MRC1: variants seen among roughly 807,000 people sequenced by gnomAD.
MRC1 encodes the protein macrophage mannose receptor 1.
In MRC1, 62 loss-of-function variants were observed where a neutral mutation model predicts 102.9. That is an observed-to-expected ratio of 0.60 (90% CI 0.49 to 0.74). The LOEUF (loss-of-function observed/expected upper bound fraction) is 0.74. Among genes scored for constraint, MRC1 ranks in the 30% least tolerant of loss-of-function variants. The pLI, the probability that MRC1 is intolerant of heterozygous loss-of-function variation, is 0.00. For missense variants in MRC1, 1,237 were observed against 862.8 expected (o/e 1.43, Z -5.43); for synonymous variants, 457 against 298.4 (o/e 1.53, Z -5.48).
Position 17,856,287 on chromosome 10 carries a change from A to C in MRC1, c.1453A>C (p.Ile485Leu), listed in dbSNP as rs1160614744. 2.3e-6 allele frequency: 2 copies of C among 867,352 alleles called. No individual in the cohort carries two copies. The highest frequency in any genetic ancestry group is 3.4e-5 in the Admixed American group (2 of 58,470). The allele number at this position is 867,352 out of a possible 1,614,324, so 53.7% of individuals were successfully genotyped here. A position where few individuals can be genotyped will look rare whatever the true frequency, so the allele number is the denominator to read the frequency against. ...GGGCTGTGAGTGGCCTCTTGGCTAC[A>C]TCTGCAAGATGAAATCACGAAGCCA... ...DRGCEWPLGYICKMKSRSQGP... is the reference protein window; with the variant it reads ...DRGCEWPLGYLCKMKSRSQGP... Residue 485 changes from isoleucine to leucine, a missense_variant, in exon 9 of 30, where the codon ATC becomes CTC. By Grantham distance (5) the Ile-to-Leu change is conservative. Coordinates refer to ENST00000569591, the MANE Select transcript of MRC1 (RefSeq NM_002438.4).
chr10:17,811,527 C>T (rs1838222340), intron 1 of MRC1, among the ~76,000 whole-genome samples: 1 of 151,706 alleles, frequency 6.6e-6, no homozygotes, highest in South Asian at 2.1e-4. Context: ...GACCCCCCTT[C>T]CAGATTTTTT....
intron 5 of MRC1, among the ~76,000 whole-genome samples, 153 bp downstream of exon 5, chr10:17,840,959 A>G (rs1182862864): frequency 6.6e-6 from 1 of 152,218 alleles, no homozygotes; most frequent in Non-Finnish European, 1.5e-5. Flanking sequence ...AATCTATGCT[A>G]GATTTCCATT....
At chr10:17,847,917 C>A (rs1313185909) in intron 6 of MRC1, among the ~76,000 whole-genome samples, 3 of 59,388 alleles carry the variant, frequency 5.1e-5, no homozygotes, top group Non-Finnish European at 9.0e-5. Context: ...CTTTCTTTTT[C>A]TTTTTCTTCT....
chr10:17,849,317 A>AAG, intron 6 of MRC1, among the ~76,000 whole-genome samples: 1 of 151,088 alleles, frequency 6.6e-6, no homozygotes, highest in African/African-American at 2.4e-5. Context: ...AAAAAAAAAA[A>AAG]AAGAAAGAAA....
chr10:17,860,255 G>A (rs1388907665), intron 9 of MRC1, among the ~76,000 whole-genome samples: 2 of 148,466 alleles, frequency 1.3e-5, no homozygotes, highest in African/African-American at 2.5e-5. Flanking sequence ...TTATTGTTAT[G>A]TTTTTATTTA....
intron 6 of MRC1, among the ~76,000 whole-genome samples, chr10:17,847,739 G>A (rs1043107802): frequency 2.0e-5 from 3 of 152,138 alleles, no homozygotes; most frequent in Non-Finnish European, 4.4e-5. Flanking sequence ...GCTGCCCCAG[G>A]GAACTCCCCT....
intron 9 of MRC1, among the ~76,000 whole-genome samples, chr10:17,858,484 C>A (rs1450348492): frequency 6.6e-6 from 1 of 151,824 alleles, no homozygotes; most frequent in Non-Finnish European, 1.5e-5. Context: ...GACTTTGCTC[C>A]CTGGTGTGAT....
intron 5 of MRC1, among the ~76,000 whole-genome samples, chr10:17,844,618 A>C (rs895967788): frequency 1.3e-5 from 2 of 152,214 alleles, no homozygotes; most frequent in African/African-American, 4.8e-5. Context: ...CGGTTGTTAC[A>C]TACCTAGGTA....
At chr10:17,873,281 C>T (rs2130679649) in intron 15 of MRC1, among the ~76,000 whole-genome samples, 1 of 152,182 alleles carries the variant, frequency 6.6e-6, no homozygotes, top group South Asian at 2.1e-4. Context: ...ATAAATAGTT[C>T]ACATTTAATC....
At chr10:17,831,954 C>A (rs1235085891) in intron 3 of MRC1, among the ~76,000 whole-genome samples, 1 of 151,650 alleles carries the variant, frequency 6.6e-6, no homozygotes, top group Non-Finnish European at 1.5e-5. Context: ...ATTTTTTACT[C>A]TGTGGAATGA....
intron 17 of MRC1, among the ~76,000 whole-genome samples, chr10:17,877,440 A>G (rs1170619748): frequency 6.7e-6 from 1 of 150,218 alleles, no homozygotes; most frequent in Non-Finnish European, 1.5e-5. Context: ...ACCATCTCCC[A>G]CAGGGTGACT....
intron 6 of MRC1, 71 bp from the exon 7 acceptor site, chr10:17,849,508 T>G (rs1340747584): frequency 1.4e-6 from 1 of 740,442 alleles, no homozygotes; most frequent in Admixed American, 1.9e-5. Context: ...TTATATAAAA[T>G]GATTAAAATA....
Position 17,894,165 on chromosome 10 carries a change from G to A in MRC1, c.3148-45G>A, listed in dbSNP as rs958052079. The A allele has an allele frequency of 3.3e-5, 29 of 866,828 alleles. 1 individual carries two copies. The highest frequency in any genetic ancestry group is 1.7e-4 in the East Asian group (7 of 41,650). 53.7% of individuals were successfully genotyped at this position (866,828 alleles called of 1,614,324 possible). On this transcript the variant is annotated intron_variant, in intron 22 of 29. Coordinates refer to ENST00000569591, the MANE Select transcript of MRC1 (RefSeq NM_002438.4). ...TATTAATGAATTGATTTCAATAGTC[G>A]TTGATTCATGATTGTTTTCTTTTTC... is the stretch of plus-strand genomic sequence containing the variant.
intron 4 of MRC1, among the ~76,000 whole-genome samples, chr10:17,839,968 A>G (rs1838725907): frequency 6.7e-6 from 1 of 148,464 alleles, no homozygotes; most frequent in African/African-American, 2.5e-5. Flanking sequence ...CGAGAGGCTG[A>G]GGCAGGAGAA....
At chr10:17,860,079 G>A (rs996510573) in intron 9 of MRC1, among the ~76,000 whole-genome samples, 3 of 152,054 alleles carry the variant, frequency 2.0e-5, no homozygotes, top group South Asian at 2.1e-4. Flanking sequence ...ATTCTGTATG[G>A]ACATTAATAC....
intron 1 of MRC1, among the ~76,000 whole-genome samples, chr10:17,812,621 G>C (rs1352138984): frequency 9.8e-5 from 13 of 133,106 alleles, no homozygotes; most frequent in Non-Finnish European, 1.5e-4. Flanking sequence ...ACCCAGCCTT[G>C]AGTGCAATGG....
At chr10:17,827,052 A>G (rs1341067272) in intron 2 of MRC1, among the ~76,000 whole-genome samples, 2 of 152,138 alleles carry the variant, frequency 1.3e-5, no homozygotes, top group African/African-American at 4.8e-5. Context: ...AATCAAGAGA[A>G]AGAACTGTTT....
rs1010457200 is a variant in MRC1, at chr10:17,876,748, A to G, written c.2551-1152A>G. On this transcript the variant is annotated intron_variant, in intron 17 of 29. Coordinates refer to ENST00000569591, the MANE Select transcript of MRC1 (RefSeq NM_002438.4). ...TTACATGGCCCAAATTGTTAGCTAT[A>G]TAACAGAGTTTGACTATTTATTATA... 8.7e-3 allele frequency among the ~76,000 whole-genome samples: 1,328 copies of G among 152,318 alleles called. 23 individuals carry two copies. Among genetic ancestry groups the G allele is most frequent in the African/African-American group, 0.031 (1,280 of 41,564 alleles).
intron 5 of MRC1, among the ~76,000 whole-genome samples, chr10:17,842,514 C>A (rs890111563): frequency 3.3e-5 from 5 of 152,042 alleles, no homozygotes; most frequent in Non-Finnish European, 5.9e-5. Flanking sequence ...GTAAAAATTT[C>A]TGGAATATGG....
Sources: gnomAD v4.1 joint callset for allele counts (sites outside exome capture counted in the v4.1 genomes callset) on GRCh38, gnomAD v4.1.1 for gene constraint, MANE v1.5 for transcripts, NCBI Gene and HGNC (gene_info 2026-07-23, HGNC 2026-07-21) for gene names.